Variants in RXRA observed in about 807,000 individuals in gnomAD.
RXRA encodes retinoic acid receptor RXR-alpha.
In RXRA, 5 loss-of-function variants were observed where a neutral mutation model predicts 44.5. That is an observed-to-expected ratio of 0.11 (90% CI 0.06 to 0.24). The LOEUF (loss-of-function observed/expected upper bound fraction) is 0.24, where lower values mean the gene tolerates loss of function less well. Among genes scored for constraint, RXRA ranks in the 10% least tolerant of loss-of-function variants. RXRA has a pLI of 1.00. For missense variants in RXRA, 412 were observed against 646.5 expected, an observed-to-expected ratio of 0.64 and a Z score of 3.93; for synonymous variants, 291 against 271.4, an observed-to-expected ratio of 1.07 and a Z score of -0.71.
chr9:134,366,170 C>T lies in RXRA; in HGVS notation c.29-35462C>T, dbSNP rs983548729. 1.6e-4 allele frequency among the ~76,000 whole-genome samples: 24 copies of T among 152,110 alleles called. 1 individual carries two copies. Among genetic ancestry groups the T allele is most frequent in the Admixed American group, 6.5e-4 (10 of 15,282 alleles). On this transcript the variant is annotated intron_variant, in intron 1 of 9. Transcript: ENST00000481739. The surrounding 1 kb of genome is among the most constrained non-coding windows in gnomAD (Gnocchi z 5.9). Reference sequence around the variant, plus strand: ...GAGGCACCAGGGCCCCAGTGGGAGGCGGCAGAGCCTCTGGTGGCTCCGTGT... The same window carrying T: ...GAGGCACCAGGGCCCCAGTGGGAGGTGGCAGAGCCTCTGGTGGCTCCGTGT...
chr9:134,341,730 A>C (rs986670207), intron 1 of RXRA, among the ~76,000 whole-genome samples: 7 of 151,888 alleles, frequency 4.6e-5, no homozygotes, highest in African/African-American at 1.7e-4. Context: ...CTCCATGGGG[A>C]GCACCATGGG....
intron 1 of RXRA, among the ~76,000 whole-genome samples, chr9:134,391,330 G>T (rs192358299): frequency 6.6e-6 from 1 of 152,190 alleles, no homozygotes. Context: ...GACGAGAGCC[G>T]CCCTGAGGGT....
chr9:134,381,759 CT>C (rs1281927676), intron 1 of RXRA, among the ~76,000 whole-genome samples: 1 of 152,094 alleles, frequency 6.6e-6, no homozygotes, highest in Non-Finnish European at 1.5e-5. Flanking sequence ...CTGGTTAGGG[CT>C]TTGAAGGGGC....
At chr9:134,371,979 C>T (rs1830496876) in intron 1 of RXRA, 1 of 152,240 alleles carries the variant, frequency 6.6e-6, no homozygotes, top group Non-Finnish European at 1.5e-5. Context: ...GACTGGGTGC[C>T]AGGCCCAGCC....
Position 134,433,955 on chromosome 9 carries a change from C to G in RXRA, c.1136-147C>G. The G allele has an allele frequency of 1.7e-6, 1 of 605,854 alleles. No homozygotes were observed. The highest frequency in any genetic ancestry group is 2.9e-6 in the Non-Finnish European group (1 of 343,244). The allele number at this position is 605,854 out of a possible 1,614,324, so 37.5% of individuals were successfully genotyped here. ...TGCCACCAGGCTCTGGGGGAGCGGG[C>G]GGAGGCATGTCCAGCGGCATTCCTC... is the stretch of plus-strand genomic sequence containing the variant. On this transcript the variant is annotated intron_variant, in intron 8 of 9. Transcript: ENST00000481739. This position sits in a 1 kb window ranked among gnomAD's most constrained non-coding sequence, Gnocchi z 4.2.
At chr9:134,384,440 C>G (rs1372877022) in intron 1 of RXRA, among the ~76,000 whole-genome samples, 1 of 152,226 alleles carries the variant, frequency 6.6e-6, no homozygotes, top group African/African-American at 2.4e-5. Context: ...GATATGGCAG[C>G]AGTGGAGACA....
intron 1 of RXRA, among the ~76,000 whole-genome samples, chr9:134,356,703 G>T (rs575231425): frequency 6.6e-6 from 1 of 152,358 alleles, no homozygotes; most frequent in African/African-American, 2.4e-5. Context: ...TTGGCTGCCT[G>T]CAGGGGAGGA....
rs1054623924 is a variant in RXRA, at chr9:134,417,983, G to A, written c.780+656G>A. Among the ~76,000 whole-genome samples the A allele has an allele frequency of 6.6e-5, 10 of 152,070 alleles. No homozygotes were observed. Among genetic ancestry groups the A allele is most frequent in the African/African-American group, 2.4e-4 (10 of 41,404 alleles). On this transcript the variant is annotated intron_variant, in intron 5 of 9. Transcript: ENST00000481739. The surrounding 1 kb of genome is among the most constrained non-coding windows in gnomAD (Gnocchi z 6.1). ...GGCTCCAGCTGGTCCTGGAGGTGTTGGATTCAAGACCCCCTGGCCTCGCCC... is the reference window on the plus strand; with the variant it reads ...GGCTCCAGCTGGTCCTGGAGGTGTTAGATTCAAGACCCCCTGGCCTCGCCC...
Position 134,407,173 on chromosome 9 carries a change from A to C in RXRA, c.280-976A>C, listed in dbSNP as rs558129015. Among the ~76,000 whole-genome samples the C allele has an allele frequency of 1.3e-5, 2 of 152,334 alleles. No individual in the cohort carries two copies. Among genetic ancestry groups the C allele is most frequent in the South Asian group, 4.1e-4 (2 of 4,832 alleles). ...ATTCCAGGCACCGAGGTCCATGTGA[A>C]AGGAGGCTTTGCGGTGGTTTCTGCT... On this transcript the variant is annotated intron_variant, in intron 2 of 9. Transcript: ENST00000481739. This position sits in a 1 kb window ranked among gnomAD's most constrained non-coding sequence, Gnocchi z 4.8.
chr9:134,387,533 G>C (rs942927769), intron 1 of RXRA, among the ~76,000 whole-genome samples: 1 of 152,254 alleles, frequency 6.6e-6, no homozygotes, highest in African/African-American at 2.4e-5. Context: ...TCAGCACTGC[G>C]TGGGCATTGA....
chr9:134,371,381 G>T (rs1830489435), intron 1 of RXRA, among the ~76,000 whole-genome samples: 1 of 152,224 alleles, frequency 6.6e-6, no homozygotes, highest in Non-Finnish European at 1.5e-5. Flanking sequence ...TGTTCATTCA[G>T]GCAGGGCCAG....
chr9:134,422,512 CCCGGGACACTCCCCCCTT>C (rs1413971051), intron 6 of RXRA: 15 of 1,224,618 alleles, frequency 1.2e-5, no homozygotes, highest in South Asian at 1.4e-5. Context: ...ACTCCCCTCT[CCCGGGACACTCCCCCCTT>C]CCGGGACACT....
At chr9:134,411,694 A>G (rs1831150997) in intron 4 of RXRA, among the ~76,000 whole-genome samples, 1 of 152,238 alleles carries the variant, frequency 6.6e-6, no homozygotes, top group Admixed American at 6.5e-5. Context: ...ACTTGCAGTC[A>G]GAATGCTGCC....
Position 134,439,044 on chromosome 9 carries a change from G to C in RXRA, c.*2430G>C, listed in dbSNP as rs1181791567. On this transcript the variant is annotated 3_prime_UTR_variant, in exon 10 of 10. Transcript: ENST00000481739. ...GGTTTGAAAAGGTGATGTGTGGGGAGTGCGGCTCATCACTGAGTAGAGAGG... is the reference window on the plus strand; with the variant it reads ...GGTTTGAAAAGGTGATGTGTGGGGACTGCGGCTCATCACTGAGTAGAGAGG... 1.3e-5 allele frequency: 2 copies of C among 152,300 alleles called. No individual in the cohort carries two copies. The highest frequency in any genetic ancestry group is 2.9e-5 in the Non-Finnish European group (2 of 68,074). 9.4% of individuals were successfully genotyped at this position (152,300 alleles called of 1,614,324 possible).
chr9:134,339,702 TGCCTGTGTGTGTTTGA>T (rs1364402219), intron 1 of RXRA, among the ~76,000 whole-genome samples: 15 of 150,536 alleles, frequency 1.0e-4, no homozygotes, highest in Non-Finnish European at 2.1e-4. Context: ...TCTGTGTGTG[TGCCTGTGTGTGTTTGA>T]GCCTGTGTGT....
intron 1 of RXRA, among the ~76,000 whole-genome samples, chr9:134,389,802 C>T (rs1006748315): frequency 1.8e-4 from 28 of 152,304 alleles, no homozygotes; most frequent in African/African-American, 6.7e-4. Flanking sequence ...CAGCTGGCCT[C>T]TCCATCCCTC....
intron 6 of RXRA, chr9:134,422,287 T>C: frequency 7.8e-7 from 1 of 1,275,026 alleles, no homozygotes; most frequent in Non-Finnish European, 1.0e-6. Flanking sequence ...GACACACTCC[T>C]ACTTCCTGGG....
chr9:134,338,009 C>T (rs881658), intron 1 of RXRA, among the ~76,000 whole-genome samples: 58,426 of 152,070 alleles, frequency 0.38, 12,703 homozygotes, highest in African/African-American at 0.59. Context: ...TCTGAGGATG[C>T]GACAGGCAGG....
chr9:134,373,766 G>A (rs1830518698), intron 1 of RXRA, among the ~76,000 whole-genome samples: 1 of 152,252 alleles, frequency 6.6e-6, no homozygotes, highest in Non-Finnish European at 1.5e-5. Context: ...CCAGGTTCCT[G>A]GAAAAGGCTG....
Sources: allele counts gnomAD v4.1 joint callset (sites outside exome capture counted in the v4.1 genomes callset), GRCh38; gene constraint gnomAD v4.1.1; non-coding constraint Gnocchi (gnomAD v3.1); transcripts MANE v1.5; gene names NCBI Gene and HGNC (gene_info 2026-07-23, HGNC 2026-07-21).